Variants in CLVS2 observed in about 807,000 individuals in gnomAD.
CLVS2 encodes the protein clavesin 2.
Under a neutral mutation model 29.0 loss-of-function variants are expected in CLVS2, and 19 were observed. That is an observed-to-expected ratio of 0.66 (90% confidence interval 0.46 to 0.96). CLVS2 has a LOEUF of 0.96. CLVS2 is among the 40% of genes least tolerant of loss of function. CLVS2 has a pLI of 0.00. For missense variants in CLVS2, 294 were observed against 404.1 expected (o/e 0.73, Z 2.34); for synonymous variants, 161 against 151.3 (o/e 1.06, Z -0.47).
intron 3 of CLVS2, among the ~76,000 whole-genome samples, chr6:123,022,135 A>T (rs1011970705): frequency 6.6e-6 from 1 of 152,026 alleles, no homozygotes. Context: ...TATTTTATAT[A>T]TAATGTTTAG....
Position 123,070,992 on chromosome 6 carries a change from C to T in CLVS2, c.*7231C>T, listed in dbSNP as rs1415004536. The T allele has an allele frequency of 6.6e-6, 1 of 151,912 alleles. No homozygotes were observed. Among genetic ancestry groups the T allele is most frequent in the Admixed American group, 6.6e-5 (1 of 15,204 alleles). The allele number at this position is 151,912 out of a possible 1,614,324, so 9.4% of individuals were successfully genotyped here. On this transcript the variant is annotated 3_prime_UTR_variant, in exon 6 of 6. Coordinates refer to ENST00000275162, the MANE Select transcript of CLVS2 (RefSeq NM_001010852.4). ...CTTTCCTAATTTTAGATGAAACAGC[C>T]CTGTGGTTCTTCATATTCTCCTTTC...
At chr6:123,012,777 C>T (rs1424764839) in intron 3 of CLVS2, among the ~76,000 whole-genome samples, 1 of 151,944 alleles carries the variant, frequency 6.6e-6, no homozygotes, top group Non-Finnish European at 1.5e-5. Context: ...TTTGGAGCTG[C>T]CTTCTCTCTG....
chr6:123,056,382 C>A (rs938676754), intron 5 of CLVS2, among the ~76,000 whole-genome samples: 1 of 152,138 alleles, frequency 6.6e-6, no homozygotes, highest in African/African-American at 2.4e-5. Context: ...CCCAAACCAT[C>A]CTGCCTCATC....
chr6:123,047,232 ATTTAGGTATATACTATCTTCTT>A (rs1772526572), intron 3 of CLVS2, among the ~76,000 whole-genome samples: 1 of 151,994 alleles, frequency 6.6e-6, no homozygotes, highest in African/African-American at 2.4e-5. Context: ...GTATTCTCTT[ATTTAGGTATATACTATCTTCTT>A]TTTATTTATA....
intron 3 of CLVS2, among the ~76,000 whole-genome samples, chr6:123,011,464 T>A (rs1774746535): frequency 6.6e-6 from 1 of 152,016 alleles, no homozygotes; most frequent in Non-Finnish European, 1.5e-5. Context: ...TATTTAGGCT[T>A]GTTTTTGTTT....
chr6:123,015,506 G>C (rs1213011010), intron 3 of CLVS2, among the ~76,000 whole-genome samples: 1 of 151,942 alleles, frequency 6.6e-6, no homozygotes, highest in Non-Finnish European at 1.5e-5. Context: ...TTGAGTCCTG[G>C]TTGTCTGACT....
At chr6:123,041,521 G>T (rs1043491195) in intron 3 of CLVS2, among the ~76,000 whole-genome samples, 8 of 152,044 alleles carry the variant, frequency 5.3e-5, no homozygotes, top group African/African-American at 1.9e-4. Flanking sequence ...ACAGAGTAAA[G>T]CTGCAGATCT....
At chr6:123,030,967 C>G (rs890804158) in intron 3 of CLVS2, among the ~76,000 whole-genome samples, 1 of 151,578 alleles carries the variant, frequency 6.6e-6, no homozygotes, top group Non-Finnish European at 1.5e-5. Context: ...GGGTTTCACT[C>G]TGTTGCCCAG....
At position 123,070,405 on chromosome 6, in the gene CLVS2, C is replaced by G. The variant is rs1008134455; in HGVS notation, c.*6644C>G. Reference sequence around the variant, plus strand: ...CTTCAAAATATATCCACACTCTAACCACTTCTCCAATCTTCTTCACTGTAT... The same window carrying G: ...CTTCAAAATATATCCACACTCTAACGACTTCTCCAATCTTCTTCACTGTAT... On this transcript the variant is annotated 3_prime_UTR_variant, in exon 6 of 6. Coordinates refer to ENST00000275162, the MANE Select transcript of CLVS2 (RefSeq NM_001010852.4). The G allele has an allele frequency of 2.0e-5, 3 of 151,844 alleles. No individual in the cohort carries two copies. Among genetic ancestry groups the G allele is most frequent in the Non-Finnish European group, 4.4e-5 (3 of 67,912 alleles). The allele number at this position is 151,844 out of a possible 1,614,324, so 9.4% of individuals were successfully genotyped here. A position where few individuals can be genotyped will look rare whatever the true frequency, so the allele number is the denominator to read the frequency against.
intron 2 of CLVS2, among the ~76,000 whole-genome samples, chr6:123,005,690 G>A (rs896326398): frequency 2.6e-5 from 4 of 152,150 alleles, no homozygotes; most frequent in Admixed American, 1.3e-4. Flanking sequence ...ATGGCCAGAG[G>A]CAGGAGAAGA....
rs370724842 is a variant in CLVS2, at chr6:123,002,840, C to T, written c.389+4674C>T. ...GAGTCTGGAGTCTAGGAGTCCTTTT[C>T]GTAAAAATTCTGGAGGCATGGCTTT... On this transcript the variant is annotated intron_variant, in intron 2 of 5. Coordinates refer to ENST00000275162, the MANE Select transcript of CLVS2 (RefSeq NM_001010852.4). 7.0e-4 allele frequency among the ~76,000 whole-genome samples: 106 copies of T among 152,208 alleles called. 2 individuals are homozygous for T. In the South Asian group the frequency reaches 0.018, roughly 26 times the overall value.
intron 3 of CLVS2, among the ~76,000 whole-genome samples, chr6:123,047,914 A>G (rs1404235111): frequency 6.6e-6 from 1 of 152,152 alleles, no homozygotes; most frequent in East Asian, 1.9e-4. Context: ...GGAATGGGCT[A>G]GGGCTGTACC....
intron 2 of CLVS2, among the ~76,000 whole-genome samples, chr6:123,007,779 A>T (rs150793791): frequency 1.1e-4 from 16 of 152,326 alleles, no homozygotes; most frequent in African/African-American, 3.6e-4. Context: ...AAGCACAATC[A>T]GGAGTCAAGA....
chr6:123,030,900 C>T (rs1430839502), intron 3 of CLVS2, among the ~76,000 whole-genome samples: 2 of 149,318 alleles, frequency 1.3e-5, no homozygotes, highest in Non-Finnish European at 3.0e-5. Flanking sequence ...ATATATATCT[C>T]ATATTCTCAA....
intron 2 of CLVS2, among the ~76,000 whole-genome samples, chr6:123,005,852 T>C (rs1345759063): frequency 6.6e-6 from 1 of 152,218 alleles, no homozygotes; most frequent in Non-Finnish European, 1.5e-5. Context: ...GAATGTTATA[T>C]TTAAATGATG....
Position 123,066,806 on chromosome 6 carries a change from A to G in CLVS2, c.*3045A>G, listed in dbSNP as rs561808878. 6.6e-6 allele frequency: 1 copy of G among 151,840 alleles called. No homozygotes were observed. The highest frequency in any genetic ancestry group is 2.4e-5 in the African/African-American group (1 of 41,522). The allele number at this position is 151,840 out of a possible 1,614,324, so 9.4% of individuals were successfully genotyped here. ...CTCTCTTCCAAAAAGTAAATACGTA[A>G]ATCTATATTATATAGGTGAAATATA... On this transcript the variant is annotated 3_prime_UTR_variant, in exon 6 of 6. Transcript: ENST00000275162.
intron 3 of CLVS2, among the ~76,000 whole-genome samples, chr6:123,030,853 C>A (rs1343048073): frequency 2.0e-5 from 3 of 147,928 alleles, no homozygotes; most frequent in Non-Finnish European, 3.0e-5. Context: ...TATATATACA[C>A]ACACATATAT....
chr6:123,039,962 A>G (rs1156408096), intron 3 of CLVS2, among the ~76,000 whole-genome samples: 1 of 152,180 alleles, frequency 6.6e-6, no homozygotes, highest in African/African-American at 2.4e-5. Context: ...TGCAAAGTTG[A>G]TGTCATTGAA....
intron 2 of CLVS2, among the ~76,000 whole-genome samples, chr6:123,000,427 C>T (rs1231348592): frequency 6.6e-6 from 1 of 152,162 alleles, no homozygotes; most frequent in Middle Eastern, 3.4e-3. Context: ...CTCTATAAAC[C>T]TTTATCACTG....
Sources: gnomAD v4.1 joint callset for allele counts (sites outside exome capture counted in the v4.1 genomes callset) on GRCh38, gnomAD v4.1.1 for gene constraint, MANE v1.5 for transcripts, NCBI Gene and HGNC (gene_info 2026-07-23, HGNC 2026-07-21) for gene names.